GET1: variants seen among roughly 807,000 people sequenced by gnomAD.
GET1 encodes congenital heart disease 5 protein.
Under a neutral mutation model 22.6 loss-of-function variants are expected in GET1, and 20 were observed. The observed-to-expected ratio is 0.89, with a 90% CI of 0.62 to 1.29. The LOEUF (loss-of-function observed/expected upper bound fraction) is 1.29, where lower values mean the gene tolerates loss of function less well. Among genes scored for constraint, GET1 ranks in the 50% most tolerant of loss-of-function variants. GET1 has a pLI of 0.00. For synonymous variants in GET1, 92 were observed against 83.8 expected (o/e 1.10, Z -0.53); for missense variants, 209 against 219.9 (o/e 0.95, Z 0.31).
intron 4 of GET1, among the ~76,000 whole-genome samples, chr21:39,394,358 A>G (rs932388898): frequency 6.6e-6 from 1 of 152,142 alleles, no homozygotes; most frequent in African/African-American, 2.4e-5. Context: ...TAAGATTCCT[A>G]TTAGCTTTTA....
At chr21:39,380,871 TC>T (rs1330821119) in intron 1 of GET1, 3 of 972,532 alleles carry the variant, frequency 3.1e-6, no homozygotes, top group Admixed American at 7.1e-5. Flanking sequence ...AGTCAGCTGT[TC>T]CAGGTCCCGG....
At chr21:39,380,522 G>T (rs1323341355) in intron 1 of GET1, 36 bp downstream of exon 1, 7 of 1,588,800 alleles carry the variant, frequency 4.4e-6, no homozygotes, top group Non-Finnish European at 6.0e-6. Context: ...GGCCGGTGGG[G>T]ATGCCGCCCC....
downstream of GET1, among the ~76,000 whole-genome samples, chr21:39,407,023 C>T (rs1288696263): frequency 5.3e-5 from 8 of 152,146 alleles, no homozygotes; most frequent in Admixed American, 4.6e-4. Context: ...GCCCAAGAGT[C>T]TGAGACCAGC....
intron 2 of GET1, chr21:39,391,564 C>T (rs2038299126): frequency 2.1e-6 from 1 of 482,566 alleles, no homozygotes; most frequent in South Asian, 2.2e-5. Context: ...AAATCTCAAT[C>T]TGAGTCGGAT....
rs960182999 is a variant in GET1, at chr21:39,390,903, G to T, written c.268+40G>T. The T allele has an allele frequency of 5.0e-6, 8 of 1,606,772 alleles. No homozygotes were observed. In the Admixed American group the frequency reaches 1.3e-4, roughly 27 times the overall value. ...GCAGCCTGGAGGCTTCATGAGAGCG[G>T]ATGAATAGAGAAGTCTGTATGTGAA... On this transcript the variant is annotated intron_variant, in intron 2 of 4. Transcript: ENST00000649170.
intron 2 of GET1, 94 bp from the exon 3 acceptor site, chr21:39,391,675 G>A (rs2038306368): frequency 8.4e-7 from 1 of 1,196,366 alleles, no homozygotes; most frequent in Admixed American, 2.0e-5. Context: ...TAATCAGAAA[G>A]TGTATTATAA....
chr21:39,413,826 C>T (rs1462683580), intron 1 of GET1: 1 of 152,166 alleles, frequency 6.6e-6, no homozygotes, highest in Non-Finnish European at 1.5e-5. Flanking sequence ...ATTTTGATTA[C>T]CTGAAAAATT....
chr21:39,423,869 A>G (rs1292798555), intron 1 of GET1, among the ~76,000 whole-genome samples: 1 of 152,168 alleles, frequency 6.6e-6, no homozygotes, highest in African/African-American at 2.4e-5. Context: ...AAGCTGTGAT[A>G]ATAGGCCAGG....
intron 1 of GET1, chr21:39,420,620 A>T: frequency 8.2e-7 from 1 of 1,221,606 alleles, no homozygotes; most frequent in South Asian, 1.5e-5. Context: ...AAAATAAAAA[A>T]TCACTTAAAG....
rs1330523394 is a variant in GET1 at position 39,397,158 on chromosome 21, A to G, written c.*219A>G. 2 of 582,914 alleles carry G rather than the reference A, an allele frequency of 3.4e-6. No individual in the cohort carries two copies. Among genetic ancestry groups the G allele is most frequent in the Non-Finnish European group, 6.1e-6 (2 of 329,818 alleles). 36.1% of individuals were successfully genotyped at this position (582,914 alleles called of 1,614,324 possible). A position where few individuals can be genotyped will look rare whatever the true frequency, so the allele number is the denominator to read the frequency against. ...CAAGAAAGTCCAGTTTATGACACGT[A>G]TGTACTAGTGAACACCGTCCTCGAT... On this transcript the variant is annotated 3_prime_UTR_variant, in exon 5 of 5. Transcript: ENST00000649170.
At chr21:39,381,053 C>T (rs2037524762) in intron 1 of GET1, 7 of 704,752 alleles carry the variant, frequency 9.9e-6, no homozygotes, top group Non-Finnish European at 1.0e-5. Flanking sequence ...TGTCTCACGG[C>T]TGCTGGGAGA....
chr21:39,420,979 A>T (rs757472674), intron 1 of GET1: 71 of 566,098 alleles, frequency 1.3e-4, no homozygotes, highest in Non-Finnish European at 1.8e-4. Flanking sequence ...TACAGGGGAC[A>T]TATATTGGAA....
chr21:39,406,061 C>CA (rs1465485501), exon 5 of GET1: 1 of 1,614,020 alleles, frequency 6.2e-7, no homozygotes, highest in African/African-American at 1.3e-5. Flanking sequence ...CTTGATTGGT[C>CA]AGTTTTCAAG....
At chr21:39,406,786 T>C (rs2039134473), downstream of GET1, 2 of 538,466 alleles carry the variant, frequency 3.7e-6, no homozygotes, top group East Asian at 3.0e-5. Flanking sequence ...TATTAACAAA[T>C]GTGTTATGTT....
intron 1 of GET1, among the ~76,000 whole-genome samples, chr21:39,384,921 C>T (rs977521814): frequency 6.6e-6 from 1 of 152,070 alleles, no homozygotes; most frequent in Non-Finnish European, 1.5e-5. Context: ...AGAAGGATAA[C>T]ATAATTATTA....
At chr21:39,426,203 G>A (rs2074675772) in intron 1 of GET1, among the ~76,000 whole-genome samples, 1 of 152,026 alleles carries the variant, frequency 6.6e-6, no homozygotes, top group Non-Finnish European at 1.5e-5. Flanking sequence ...AGGTTTGTTG[G>A]CTTCAGAAAG....
At chr21:39,382,296 C>T (rs926713459) in intron 1 of GET1, among the ~76,000 whole-genome samples, 10 of 152,146 alleles carry the variant, frequency 6.6e-5, no homozygotes, top group African/African-American at 2.4e-4. Flanking sequence ...CTCAAGTGAT[C>T]TGTGCTCCTT....
exon 5 of GET1, chr21:39,406,129 G>A: frequency 6.2e-7 from 1 of 1,614,214 alleles, no homozygotes; most frequent in Non-Finnish European, 8.5e-7. Flanking sequence ...TCTGAAAGTT[G>A]TATCCTTCAC....
chr21:39,397,183 T>G lies in GET1; in HGVS notation c.*244T>G, dbSNP rs1244924664. Reference sequence around the variant, plus strand: ...ATGTACTAGTGAACACCGTCCTCGATCTGTACGAAATGTGAAATGTTTAGG... The same window carrying G: ...ATGTACTAGTGAACACCGTCCTCGAGCTGTACGAAATGTGAAATGTTTAGG... On this transcript the variant is annotated 3_prime_UTR_variant, in exon 5 of 5. Transcript: ENST00000649170. 2 of 518,774 alleles carry G rather than the reference T, an allele frequency of 3.9e-6. No individual in the cohort carries two copies. The highest frequency in any genetic ancestry group is 3.9e-5 in the African/African-American group (2 of 51,560). 32.1% of individuals were successfully genotyped at this position (518,774 alleles called of 1,614,324 possible).
Sources: gnomAD v4.1 joint callset for allele counts (sites outside exome capture counted in the v4.1 genomes callset) on GRCh38, gnomAD v4.1.1 for gene constraint, MANE v1.5 for transcripts, NCBI Gene and HGNC (gene_info 2026-07-23, HGNC 2026-07-21) for gene names.